Variants in COL2A1 observed in about 807,000 individuals in gnomAD.
The protein encoded by COL2A1 is collagen type II alpha 1 chain, also known as collagen alpha-1(II) chain.
COL2A1 carries 28 observed loss-of-function variants against 204.5 expected under a neutral mutation model. The observed-to-expected ratio is 0.14, with a 90% CI of 0.10 to 0.19. COL2A1 has a LOEUF of 0.19. Ranked by LOEUF, COL2A1 falls within the 10% of genes least tolerant of loss-of-function variation. The probability of loss-of-function intolerance (pLI) is 1.00; values close to 1 mark genes in which losing one functional copy is unlikely to be tolerated. For synonymous variants in COL2A1, 708 were observed against 718.7 expected, an observed-to-expected ratio of 0.99 and a Z score of 0.24; for missense variants, 1,388 against 2,027.5, an observed-to-expected ratio of 0.68 and a Z score of 6.06.
intron 11 of COL2A1, 105 bp downstream of exon 11, chr12:47,995,150 A>G (rs1174265688): frequency 9.3e-6 from 9 of 964,920 alleles, no homozygotes; most frequent in Non-Finnish European, 1.5e-5. Flanking sequence ...TTGCTCCTCA[A>G]GATACCTCCA....
Position 47,978,894 on chromosome 12 carries a change from T to C in COL2A1, c.2734-136A>G. ...CCTCCCCACACTAAGGGCAGGCAGC[T>C]TAACCCCCCCAACCCCAATCTACCG... On this transcript the variant is annotated intron_variant, in intron 41 of 53. Transcript: ENST00000380518. The surrounding 1 kb of genome is among the most constrained non-coding windows in gnomAD (Gnocchi z 5.5). 1 of 892,200 alleles carries C rather than the reference T, an allele frequency of 1.1e-6. No individual in the cohort carries two copies. The highest frequency in any genetic ancestry group is 1.6e-5 in the South Asian group (1 of 64,378). The allele number at this position is 892,200 out of a possible 1,614,324, so 55.3% of individuals were successfully genotyped here.
At chr12:47,989,502 G>A (rs41317909) in intron 17 of COL2A1, among the ~76,000 whole-genome samples, 234 of 152,342 alleles carry the variant, frequency 1.5e-3, no homozygotes, top group African/African-American at 5.1e-3. Context: ...CATCTGTGGT[G>A]AGAAGCAGAA....
chr12:47,996,771 C>T, intron 7 of COL2A1, 146 bp from the exon 8 acceptor site: 1 of 770,618 alleles, frequency 1.3e-6, no homozygotes, highest in Non-Finnish European at 2.3e-6. Context: ...AGAATTACCA[C>T]TGATGCCTGG....
rs1938922258 is a variant in COL2A1 at position 47,979,569 on chromosome 12, G to A, written c.2680-5C>T. 5.6e-6 allele frequency: 9 copies of A among 1,612,366 alleles called. No individual in the cohort carries two copies. Among genetic ancestry groups the A allele is most frequent in the Non-Finnish European group, 7.6e-6 (9 of 1,179,508 alleles). ...TCCAGGGAATCCAGTGGCTCCCTGT[G>A]TGGGGAGAGGAGAGCCCCTGAGAAC... On this transcript the variant is annotated splice_region_variant and splice_polypyrimidine_tract_variant and intron_variant, in intron 40 of 53. Transcript: ENST00000380518.
Position 47,995,234 on chromosome 12 carries a change from T to G in COL2A1, c.762+21A>C, listed in dbSNP as rs754838939. On this transcript the variant is annotated intron_variant, in intron 11 of 53. Transcript: ENST00000380518. ...CTTTCAAAGGAGGCAGCTCCTCATT[T>G]GTCTACTCGTGTATACTCACATCAT... The G allele has an allele frequency of 1.4e-5, 23 of 1,607,760 alleles. No homozygotes were observed. The African/African-American group carries it at 2.7e-4, about 19-fold the overall frequency.
At chr12:47,974,902 G>A in intron 51 of COL2A1, 40 bp from the exon 52 acceptor site, 2 of 1,591,538 alleles carry the variant, frequency 1.3e-6, no homozygotes, top group African/African-American at 1.3e-5. Context: ...GGCTCAGACA[G>A]GCACAGACAC....
intron 52 of COL2A1, 45 bp from the exon 53 acceptor site, chr12:47,974,376 T>C: frequency 1.2e-6 from 2 of 1,610,130 alleles, no homozygotes; most frequent in Non-Finnish European, 8.5e-7. Flanking sequence ...GAGCTGGCAT[T>C]CAATGGGACC....
rs777276135 is a variant in COL2A1 at position 47,993,552 on chromosome 12, C to T, written c.925-50G>A. 17 of 1,524,704 alleles carry T rather than the reference C, an allele frequency of 1.1e-5. No individual in the cohort carries two copies. The Middle Eastern group carries it at 6.9e-4, about 62-fold the overall frequency. 94.4% of individuals were successfully genotyped at this position (1,524,704 alleles called of 1,614,324 possible). ...GTGTCTGGGACCCCATTCTTGGCCG[C>T]CAGCAAACTCCTAGGGAAGACGCCA... On this transcript the variant is annotated intron_variant, in intron 14 of 53. Transcript: ENST00000380518.
In COL2A1 at chr12:48,002,275, G is replaced by A. The variant is rs183651214; in HGVS notation, c.85+1962C>T. 2.1e-3 allele frequency among the ~76,000 whole-genome samples: 326 copies of A among 152,336 alleles called. 1 individual carries two copies. The highest frequency in any genetic ancestry group is 3.7e-3 in the Non-Finnish European group (253 of 68,020). ...GAGGCGAGGGCTCTGAAATGCAGAT[G>A]AGGGTCAAAGACGCCGCCGCCAGTA... On this transcript the variant is annotated intron_variant, in intron 1 of 53. Coordinates refer to ENST00000380518, the MANE Select transcript of COL2A1 (RefSeq NM_001844.5).
rs1001844360 is a variant in COL2A1 at position 48,004,374 on chromosome 12, G to C, written c.-53C>G. ...GGCCCGGGCGGAGCGCAGCGAAACGGCAGGAGCACGGCGCGGGTCCGGGTC... is the reference window on the plus strand; with the variant it reads ...GGCCCGGGCGGAGCGCAGCGAAACGCCAGGAGCACGGCGCGGGTCCGGGTC... On this transcript the variant is annotated 5_prime_UTR_variant, in exon 1 of 54. Coordinates refer to ENST00000380518, the MANE Select transcript of COL2A1 (RefSeq NM_001844.5). The C allele has an allele frequency of 1.8e-6, 2 of 1,136,156 alleles. No individual in the cohort carries two copies. The highest frequency in any genetic ancestry group is 2.6e-6 in the Non-Finnish European group (2 of 775,330). The allele number at this position is 1,136,156 out of a possible 1,614,324, so 70.4% of individuals were successfully genotyped here.
At chr12:47,999,649 T>TTTA (rs1291992332) in intron 2 of COL2A1, 4 of 196,300 alleles carry the variant, frequency 2.0e-5, no homozygotes, top group Admixed American at 1.8e-4. Flanking sequence ...TTTTTTTTTT[T>TTTA]TTTTGTAGAA....
intron 27 of COL2A1, 102 bp from the exon 28 acceptor site, chr12:47,984,701 A>T: frequency 8.8e-7 from 1 of 1,134,942 alleles, no homozygotes; most frequent in Non-Finnish European, 1.3e-6. Context: ...ATCCTGATGG[A>T]CAGCCAAGAT....
Position 47,973,471 on chromosome 12 carries a change from G to A in COL2A1, c.4400C>T (p.Pro1467Leu). 2 of 1,614,094 alleles carry A rather than the reference G, an allele frequency of 1.2e-6. No homozygotes were observed. The highest frequency in any genetic ancestry group is 1.7e-6 in the Non-Finnish European group (2 of 1,180,004). ...TSRLPIIDIAPMDIGGPEQEF... is the reference protein window; with the variant it reads ...TSRLPIIDIALMDIGGPEQEF... ...CTGCTCGGGCCCTCCTATGTCCATGGGTGCAATGTCAATGATGGGGAGGCG... is the reference window on the plus strand; with the variant it reads ...CTGCTCGGGCCCTCCTATGTCCATGAGTGCAATGTCAATGATGGGGAGGCG... Residue 1467 changes from proline to leucine, a missense_variant, in exon 54 of 54, where the codon CCC (proline) becomes CTC (leucine). Transcript: ENST00000380518.
rs976265863 is a variant in COL2A1, at chr12:47,987,790, A to G, written c.1123-81T>C. On this transcript the variant is annotated intron_variant, in intron 18 of 53. Transcript: ENST00000380518. This position sits in a 1 kb window ranked among gnomAD's most constrained non-coding sequence, Gnocchi z 4.1. Reference sequence around the variant, plus strand: ...AGTGGGTGGGCAATAGCTCAGGGCCAGCTGCAAGCACAGCACTAAATTATG... The same window carrying G: ...AGTGGGTGGGCAATAGCTCAGGGCCGGCTGCAAGCACAGCACTAAATTATG... The G allele has an allele frequency of 8.9e-5, 95 of 1,063,856 alleles. No homozygotes were observed. The highest frequency in any genetic ancestry group is 1.3e-4 in the Non-Finnish European group (90 of 701,752). The allele number at this position is 1,063,856 out of a possible 1,614,324, so 65.9% of individuals were successfully genotyped here. A position where few individuals can be genotyped will look rare whatever the true frequency, so the allele number is the denominator to read the frequency against.
rs1293965789 is a variant in COL2A1 at position 47,984,999 on chromosome 12, G to T, written c.1829C>A (p.Ala610Asp). 1 of 1,613,514 alleles carries T rather than the reference G, an allele frequency of 6.2e-7. No individual in the cohort carries two copies. The highest frequency in any genetic ancestry group is 1.3e-5 in the African/African-American group (1 of 75,028). Residue 610 changes from alanine to aspartate, a missense_variant, in exon 27 of 54, where the codon GCC becomes GAC. Physicochemically the swap from Ala to Asp is moderately radical, Grantham distance 126 (BLOSUM62 -2). Transcript: ENST00000380518. ...GAAGAGCAAATTATTACTTACGTTG[G>T]CACCTTTGGGGCCAGGGAAACCCAT... ...GVMGFPGPKG[A>D]NGEPGKAGEK...
intron 1 of COL2A1, among the ~76,000 whole-genome samples, chr12:48,003,453 G>T (rs1028764802): frequency 6.6e-6 from 1 of 152,120 alleles, no homozygotes; most frequent in South Asian, 2.1e-4. Flanking sequence ...GCTATTTTCG[G>T]GGGCATTTGA....
intron 52 of COL2A1, 72 bp from the exon 53 acceptor site, chr12:47,974,403 G>C: frequency 6.3e-7 from 1 of 1,585,964 alleles, no homozygotes; most frequent in Non-Finnish European, 8.6e-7. Context: ...TGTAGGGGCT[G>C]CCAAGAGTTC....
intron 47 of COL2A1, 29 bp downstream of exon 47, chr12:47,977,073 G>GGAT (rs1565669538): frequency 1.9e-6 from 3 of 1,595,186 alleles, no homozygotes; most frequent in South Asian, 2.3e-5. Flanking sequence ...CCCTGGTGGG[G>GGAT]ACTCAGTGCA....
chr12:47,994,980 C>A (rs958327283), intron 11 of COL2A1, among the ~76,000 whole-genome samples: 4 of 151,970 alleles, frequency 2.6e-5, no homozygotes, highest in African/African-American at 7.2e-5. Context: ...TGTATTTTTT[C>A]TCTCCCTTCT....
Sources: allele counts gnomAD v4.1 joint callset (sites outside exome capture counted in the v4.1 genomes callset), GRCh38; gene constraint gnomAD v4.1.1; non-coding constraint Gnocchi (gnomAD v3.1); transcripts MANE v1.5; gene names NCBI Gene and HGNC (gene_info 2026-07-23, HGNC 2026-07-21).